EHMT1: variants seen among roughly 807,000 people sequenced by gnomAD.
EHMT1 encodes the protein euchromatic histone lysine methyltransferase 1, also known as histone-lysine N-methyltransferase EHMT1.
EHMT1 carries 15 observed loss-of-function variants against 147.2 expected under a neutral mutation model. That is an observed-to-expected ratio of 0.10 (90% CI 0.07 to 0.16). The LOEUF is 0.16. EHMT1 is among the 10% of genes least tolerant of loss of function. EHMT1 has a pLI of 1.00. For missense variants in EHMT1, 1,587 were observed against 1,772.4 expected (o/e 0.90, Z 1.88); for synonymous variants, 795 against 709.6 (o/e 1.12, Z -1.91).
intron 7 of EHMT1, among the ~76,000 whole-genome samples, chr9:137,753,866 GT>G (rs1471773795): frequency 6.6e-6 from 1 of 152,132 alleles, no homozygotes; most frequent in African/African-American, 2.4e-5. Flanking sequence ...TACTTATTTA[GT>G]TCCTGAGTAG....
rs1017986198 is a variant in EHMT1, at chr9:137,782,939, C to T, written c.2382+542C>T. Among the ~76,000 whole-genome samples, 1 of 152,200 alleles carries T rather than the reference C, an allele frequency of 6.6e-6. No individual in the cohort carries two copies. The highest frequency in any genetic ancestry group is 2.1e-4 in the South Asian group (1 of 4,826). On this transcript the variant is annotated intron_variant, in intron 15 of 26. Transcript: ENST00000460843. The surrounding 1 kb of genome is among the most constrained non-coding windows in gnomAD (Gnocchi z 5.7). ...GGTTCAGACACACGACGCTGTTTGT[C>T]CCCCTGTGACGCCCCTTCCCTGATC...
intron 1 of EHMT1, among the ~76,000 whole-genome samples, chr9:137,695,135 A>G (rs1943292960): frequency 6.6e-6 from 1 of 152,232 alleles, no homozygotes; most frequent in Admixed American, 6.5e-5. Context: ...CACCCTGGGC[A>G]CCTGGATTAC....
chr9:137,743,246 T>C, intron 4 of EHMT1, 125 bp from the exon 5 acceptor site: 1 of 1,258,992 alleles, frequency 7.9e-7, no homozygotes, highest in Non-Finnish European at 1.1e-6. Context: ...GTGGGCCTGT[T>C]GTGATGGGGT....
At chr9:137,795,323 C>T (rs548693656) in intron 16 of EHMT1, 12 of 151,754 alleles carry the variant, frequency 7.9e-5, no homozygotes, top group East Asian at 7.8e-4. Flanking sequence ...GGGTTGTGAG[C>T]GAACAGAGCC....
chr9:137,692,237 CT>C (rs565840140), intron 1 of EHMT1, among the ~76,000 whole-genome samples: 19 of 149,568 alleles, frequency 1.3e-4, no homozygotes, highest in Admixed American at 4.0e-4. Flanking sequence ...TGGTGTTTTT[CT>C]TTTTTTTCTT....
chr9:137,740,463 C>T (rs947832538), intron 4 of EHMT1, among the ~76,000 whole-genome samples: 3 of 152,178 alleles, frequency 2.0e-5, no homozygotes, highest in Admixed American at 1.3e-4. Flanking sequence ...TACTGCCAGC[C>T]GTCCTGCAGT....
At chr9:137,718,006 C>T (rs1019913872) in intron 3 of EHMT1, among the ~76,000 whole-genome samples, 1 of 152,214 alleles carries the variant, frequency 6.6e-6, no homozygotes, top group East Asian at 1.9e-4. Context: ...ACACACAGGG[C>T]GCGCCCACCC....
intron 9 of EHMT1, among the ~76,000 whole-genome samples, chr9:137,759,168 A>C (rs1949615189): frequency 6.6e-6 from 1 of 151,982 alleles, no homozygotes; most frequent in Admixed American, 6.6e-5. Flanking sequence ...CAACAACAAC[A>C]AAAGAAATCT....
chr9:137,695,001 G>GT (rs554913158), intron 1 of EHMT1, among the ~76,000 whole-genome samples: 2 of 152,210 alleles, frequency 1.3e-5, no homozygotes, highest in Non-Finnish European at 2.9e-5. Flanking sequence ...ACACTCACCA[G>GT]TTATGTCAAG....
chr9:137,678,657 C>G (rs1941627263), intron 1 of EHMT1, among the ~76,000 whole-genome samples: 1 of 151,936 alleles, frequency 6.6e-6, no homozygotes, highest in South Asian at 2.1e-4. Context: ...GACACATATA[C>G]CGATGGTAAA....
At chr9:137,696,971 A>G (rs1230044496) in intron 1 of EHMT1, among the ~76,000 whole-genome samples, 1 of 152,198 alleles carries the variant, frequency 6.6e-6, no homozygotes, top group Non-Finnish European at 1.5e-5. Flanking sequence ...AGCAGACCAC[A>G]GAGCTGGCCC....
At position 137,725,047 on chromosome 9, in the gene EHMT1, G is replaced by A. The variant is rs571406006; in HGVS notation, c.643-3302G>A. ...GGCGTGTGGCCTTCGTGGGGCATTC[G>A]TGGGGCAGGCGTGTGGCATTTGTGT... On this transcript the variant is annotated intron_variant, in intron 3 of 26. Transcript: ENST00000460843. Among the ~76,000 whole-genome samples the A allele has an allele frequency of 5.0e-5, 7 of 139,410 alleles. No individual in the cohort carries two copies. The East Asian group carries it at 6.7e-4, about 13-fold the overall frequency. The allele number at this position is 139,410 out of a possible 152,430, so 91.5% of individuals were successfully genotyped here. A position where few individuals can be genotyped will look rare whatever the true frequency, so the allele number is the denominator to read the frequency against.
chr9:137,809,961 T>C (rs1400667557), intron 18 of EHMT1, among the ~76,000 whole-genome samples: 1 of 122,568 alleles, frequency 8.2e-6, no homozygotes, highest in Non-Finnish European at 1.5e-5. Context: ...CCGCCCTGTG[T>C]GGACCGTCGG....
chr9:137,622,023 G>A (rs1318426856), intron 1 of EHMT1, among the ~76,000 whole-genome samples: 1 of 148,750 alleles, frequency 6.7e-6, no homozygotes, highest in East Asian at 2.0e-4. Flanking sequence ...GTGCAGGTTT[G>A]TTACATATGT....
intron 22 of EHMT1, chr9:137,814,933 G>C: frequency 3.2e-6 from 1 of 315,384 alleles, no homozygotes; most frequent in Non-Finnish European, 6.2e-6. Context: ...GGAGACACAG[G>C]ATTGGAAGTT....
intron 10 of EHMT1, among the ~76,000 whole-genome samples, chr9:137,773,277 G>A (rs1950709685): frequency 7.0e-6 from 1 of 141,972 alleles, no homozygotes; most frequent in Non-Finnish European, 1.5e-5. Flanking sequence ...GCAGCCGCTG[G>A]TCCTGAACCA....
intron 22 of EHMT1, chr9:137,814,778 C>T: frequency 1.7e-6 from 1 of 587,940 alleles, no homozygotes; most frequent in East Asian, 2.9e-5. Context: ...GCAGCGTCAG[C>T]CTGGCTTGGC....
intron 16 of EHMT1, 135 bp downstream of exon 16, chr9:137,791,105 C>T: frequency 7.0e-7 from 1 of 1,436,026 alleles, no homozygotes; most frequent in Non-Finnish European, 9.7e-7. Flanking sequence ...AGAAATAGTT[C>T]CTTCATCTCA....
intron 2 of EHMT1, among the ~76,000 whole-genome samples, chr9:137,711,376 A>G (rs1249532811): frequency 1.3e-5 from 2 of 152,210 alleles, no homozygotes; most frequent in East Asian, 3.9e-4. Flanking sequence ...CTCAGTTGAT[A>G]AGGAACTGGA....
Sources: allele counts gnomAD v4.1 joint callset (sites outside exome capture counted in the v4.1 genomes callset), GRCh38; gene constraint gnomAD v4.1.1; non-coding constraint Gnocchi (gnomAD v3.1); transcripts MANE v1.5; gene names NCBI Gene and HGNC (gene_info 2026-07-23, HGNC 2026-07-21).